CDH13: variants seen among roughly 807,000 people sequenced by gnomAD.
CDH13 encodes cadherin 13, also known as cadherin-13.
In CDH13, 24 loss-of-function variants were observed where a neutral mutation model predicts 63.8. The ratio of observed to expected loss-of-function variants is 0.38; its 90% CI spans 0.27 to 0.53. The LOEUF (loss-of-function observed/expected upper bound fraction) is 0.53, where lower values mean the gene tolerates loss of function less well. Ranked by LOEUF, CDH13 falls within the 20% of genes least tolerant of loss-of-function variation. The pLI is 0.85. For missense variants in CDH13, 1,049 were observed against 903.1 expected, an observed-to-expected ratio of 1.16 and a Z score of -2.07; for synonymous variants, 503 against 355.3, an observed-to-expected ratio of 1.42 and a Z score of -4.67.
chr16:83,013,180 C>G (rs1450809921), intron 2 of CDH13, among the ~76,000 whole-genome samples: 1 of 152,230 alleles, frequency 6.6e-6, no homozygotes, highest in Non-Finnish European at 1.5e-5. Flanking sequence ...TCTGTTGCAA[C>G]TATCCAACTC....
chr16:82,728,380 G>A (rs897048327), intron 1 of CDH13, among the ~76,000 whole-genome samples: 1 of 152,010 alleles, frequency 6.6e-6, no homozygotes, highest in Non-Finnish European at 1.5e-5. Context: ...ACACCTCAGA[G>A]ATATTGCAGG....
At position 83,699,298 on chromosome 16, in the gene CDH13, T is replaced by C. The variant is rs556044326; in HGVS notation, c.1538+20837T>C. Among the ~76,000 whole-genome samples, 26 of 152,320 alleles carry C rather than the reference T, an allele frequency of 1.7e-4. No homozygotes were observed. In the South Asian group the frequency reaches 3.1e-3, roughly 18 times the overall value. ...TTTCTGTCAACAAATCAAAATAATA[T>C]TCCTGCATTTGTTCAACAAACAGCC... On this transcript the variant is annotated intron_variant, in intron 10 of 13. Coordinates refer to ENST00000567109, the MANE Select transcript of CDH13 (RefSeq NM_001257.5).
intron 10 of CDH13, 87 bp from the exon 11 acceptor site, chr16:83,748,021 A>T: frequency 7.0e-7 from 1 of 1,425,350 alleles, no homozygotes. Context: ...TCCAGCACCT[A>T]GCCTAGGAGC....
intron 1 of CDH13, among the ~76,000 whole-genome samples, chr16:82,839,850 A>AG: frequency 6.6e-6 from 1 of 152,192 alleles, no homozygotes. Context: ...AGTACAGGAG[A>AG]GGTATGCTAT....
In CDH13 at chr16:83,673,412, G is replaced by A. The variant is rs188468385; in HGVS notation, c.1284+2440G>A. On this transcript the variant is annotated intron_variant, in intron 9 of 13. Coordinates refer to ENST00000567109, the MANE Select transcript of CDH13 (RefSeq NM_001257.5). ...TCCTCGCTCCAGACCTATAACACTT[G>A]GGGGTGACTATTCTGAAACTATACC... 2.6e-3 allele frequency among the ~76,000 whole-genome samples: 397 copies of A among 151,976 alleles called. 4 individuals carry two copies. The highest frequency in any genetic ancestry group is 4.2e-3 in the Non-Finnish European group (286 of 67,962).
chr16:82,809,786 C>G (rs763330091), intron 1 of CDH13, among the ~76,000 whole-genome samples: 9 of 152,110 alleles, frequency 5.9e-5, no homozygotes, highest in Non-Finnish European at 1.0e-4. Context: ...AGCCGTTTCG[C>G]TAACAAGTCC....
At chr16:83,275,557 T>C (rs949764594) in intron 5 of CDH13, among the ~76,000 whole-genome samples, 1 of 122,778 alleles carries the variant, frequency 8.1e-6, no homozygotes, top group African/African-American at 3.3e-5. Flanking sequence ...ATGGAGAAGA[T>C]GCAGGGGAGC....
At chr16:83,223,561 C>T (rs368515986) in intron 5 of CDH13, among the ~76,000 whole-genome samples, 2 of 152,214 alleles carry the variant, frequency 1.3e-5, no homozygotes, top group African/African-American at 4.8e-5. Flanking sequence ...CTGGATGTGG[C>T]AGCCCTGCTT....
chr16:83,401,321 A>G (rs1328720211), intron 6 of CDH13, among the ~76,000 whole-genome samples: 1 of 151,478 alleles, frequency 6.6e-6, no homozygotes, highest in African/African-American at 2.4e-5. Context: ...CCTGAGTGAC[A>G]GAGTGAGACT....
chr16:82,892,570 T>C (rs1178256482), intron 2 of CDH13, among the ~76,000 whole-genome samples: 1 of 152,204 alleles, frequency 6.6e-6, no homozygotes, highest in Non-Finnish European at 1.5e-5. Flanking sequence ...GCAAAACAGT[T>C]ATTTCAATGT....
chr16:83,030,825 C>T (rs556137404), intron 2 of CDH13, among the ~76,000 whole-genome samples: 3 of 151,940 alleles, frequency 2.0e-5, no homozygotes, highest in African/African-American at 4.8e-5. Flanking sequence ...TTCCCAGAGA[C>T]ATTTTCAGCC....
At chr16:82,765,089 T>TTCATTCATTCTTAAA (rs1431760257) in intron 1 of CDH13, among the ~76,000 whole-genome samples, 2 of 152,210 alleles carry the variant, frequency 1.3e-5, no homozygotes, top group African/African-American at 4.8e-5. Flanking sequence ...GTGCACTGCC[T>TTCATTCATTCTTAAA]TCATTCATTC....
chr16:82,897,184 T>A (rs1429109463), intron 2 of CDH13, among the ~76,000 whole-genome samples: 1 of 152,128 alleles, frequency 6.6e-6, no homozygotes, highest in Non-Finnish European at 1.5e-5. Flanking sequence ...GGGTTTGCCT[T>A]AGCATAGCTT....
intron 5 of CDH13, among the ~76,000 whole-genome samples, chr16:83,330,295 G>A (rs2090453541): frequency 1.3e-5 from 2 of 152,184 alleles, no homozygotes; most frequent in Admixed American, 1.3e-4. Flanking sequence ...TCCTGCTTGT[G>A]ATACTGTCCT....
chr16:82,981,356 G>A (rs561598506), intron 2 of CDH13, among the ~76,000 whole-genome samples: 18 of 151,924 alleles, frequency 1.2e-4, no homozygotes, highest in African/African-American at 2.7e-4. Flanking sequence ...AAATTCTTCC[G>A]TCTCACCATG....
chr16:83,702,681 CAT>C (rs1906425404), intron 10 of CDH13, among the ~76,000 whole-genome samples: 1 of 152,208 alleles, frequency 6.6e-6, no homozygotes, highest in Non-Finnish European at 1.5e-5. Context: ...GGTCGGTGGC[CAT>C]GTGCCTTGGG....
rs117842491 is a variant in CDH13 at position 83,545,121 on chromosome 16, C to A, written c.961-57333C>A. Among the ~76,000 whole-genome samples the A allele has an allele frequency of 2.0e-5, 3 of 152,186 alleles. No homozygotes were observed. In the East Asian group the frequency reaches 5.8e-4, roughly 29 times the overall value. ...CATTGTTAGAGCTCATGTTCTTTAC[C>A]CAACCAGGATTTAATTAGTCCTTCA... On this transcript the variant is annotated intron_variant, in intron 7 of 13. Transcript: ENST00000567109.
chr16:83,730,746 G>A (rs1252141140), intron 10 of CDH13, among the ~76,000 whole-genome samples: 5 of 152,084 alleles, frequency 3.3e-5, no homozygotes, highest in Non-Finnish European at 7.4e-5. Flanking sequence ...GAAGTTTGGG[G>A]TATGAGTGAT....
intron 7 of CDH13, among the ~76,000 whole-genome samples, chr16:83,499,470 C>A (rs1185672531): frequency 6.6e-6 from 1 of 152,230 alleles, no homozygotes; most frequent in Non-Finnish European, 1.5e-5. Flanking sequence ...CAGCCTTGTG[C>A]TAGAGAAACA....
Sources: allele counts gnomAD v4.1 joint callset (sites outside exome capture counted in the v4.1 genomes callset), GRCh38; gene constraint gnomAD v4.1.1; transcripts MANE v1.5; gene names NCBI Gene and HGNC (gene_info 2026-07-23, HGNC 2026-07-21).